MAGI1: variants seen among roughly 807,000 people sequenced by gnomAD.
MAGI1 encodes membrane-associated guanylate kinase, WW and PDZ domain-containing protein 1.
A neutral mutation model predicts 139.9 loss-of-function variants in MAGI1; 58 were observed. The observed-to-expected ratio is 0.41, with a 90% CI of 0.34 to 0.52. MAGI1 has a LOEUF of 0.52. MAGI1 is among the 20% of genes least tolerant of loss of function. The pLI, the probability that MAGI1 is intolerant of heterozygous loss-of-function variation, is 0.12. For missense variants in MAGI1, 1,874 were observed against 1,901.6 expected (o/e 0.99, Z 0.27); for synonymous variants, 812 against 737.9 (o/e 1.10, Z -1.63).
intron 4 of MAGI1, among the ~76,000 whole-genome samples, chr3:65,475,755 G>A (rs993775780): frequency 9.9e-5 from 15 of 151,884 alleles, no homozygotes; most frequent in Admixed American, 1.3e-4. Context: ...TTCAGCTTCT[G>A]CCTTAATCAA....
intron 1 of MAGI1, among the ~76,000 whole-genome samples, chr3:65,745,613 A>C (rs2035635632): frequency 6.6e-6 from 1 of 152,246 alleles, no homozygotes; most frequent in African/African-American, 2.4e-5. Context: ...CACATAACAC[A>C]CATTAAAATT....
chr3:65,500,103 T>C (rs113106468), intron 2 of MAGI1, among the ~76,000 whole-genome samples: 2 of 152,220 alleles, frequency 1.3e-5, no homozygotes, highest in East Asian at 1.9e-4. Context: ...TCCCATCTCA[T>C]AGAAAGCCAG....
At chr3:65,574,428 A>G (rs2081090754) in intron 2 of MAGI1, among the ~76,000 whole-genome samples, 1 of 149,902 alleles carries the variant, frequency 6.7e-6, no homozygotes, top group Non-Finnish European at 1.5e-5. Context: ...GGAGATGTAA[A>G]TGACCTGCAT....
chr3:65,882,719 G>C (rs1330710822), intron 1 of MAGI1, among the ~76,000 whole-genome samples: 2 of 152,120 alleles, frequency 1.3e-5, no homozygotes, highest in African/African-American at 4.8e-5. Context: ...GATGGCTTGA[G>C]CTCAGGTGAT....
chr3:65,670,138 T>C (rs2086765504), intron 1 of MAGI1, among the ~76,000 whole-genome samples: 2 of 152,168 alleles, frequency 1.3e-5, no homozygotes, highest in South Asian at 4.1e-4. Context: ...TTCAAACTGA[T>C]GTCTCATCAT....
At chr3:65,450,121 T>C (rs1948938572) in intron 6 of MAGI1, among the ~76,000 whole-genome samples, 1 of 152,110 alleles carries the variant, frequency 6.6e-6, no homozygotes, top group South Asian at 2.1e-4. Context: ...AGGAACTCAA[T>C]GAGGACTAGT....
chr3:65,958,771 G>C (rs1233627915), intron 1 of MAGI1, among the ~76,000 whole-genome samples: 1 of 152,168 alleles, frequency 6.6e-6, no homozygotes, highest in African/African-American at 2.4e-5. Flanking sequence ...AGGATCACTT[G>C]AGGCCAAGAG....
chr3:65,698,181 C>G (rs1373128766), intron 1 of MAGI1, among the ~76,000 whole-genome samples: 6 of 118,300 alleles, frequency 5.1e-5, no homozygotes, highest in Non-Finnish European at 7.1e-5. Flanking sequence ...ATGTGAAGGA[C>G]CTCTTCAAGG....
At chr3:66,032,537 G>A (rs978605246) in intron 1 of MAGI1, among the ~76,000 whole-genome samples, 1 of 151,152 alleles carries the variant, frequency 6.6e-6, no homozygotes, top group Non-Finnish European at 1.5e-5. Context: ...GTCTTTTTTA[G>A]ACACTGAGAA....
intron 1 of MAGI1, among the ~76,000 whole-genome samples, chr3:66,002,482 T>A (rs1202159524): frequency 2.0e-5 from 3 of 152,096 alleles, no homozygotes; most frequent in African/African-American, 7.2e-5. Flanking sequence ...TGATGCTGCT[T>A]AAAACTCACC....
chr3:65,504,523 G>A (rs1003492095), intron 2 of MAGI1, among the ~76,000 whole-genome samples: 1 of 152,130 alleles, frequency 6.6e-6, no homozygotes, highest in African/African-American at 2.4e-5. Flanking sequence ...GTTACTAGGT[G>A]GGAACTTCTG....
At chr3:65,684,568 G>T (rs1055062081) in intron 1 of MAGI1, among the ~76,000 whole-genome samples, 1 of 152,162 alleles carries the variant, frequency 6.6e-6, no homozygotes, top group East Asian at 1.9e-4. Flanking sequence ...TATTAGCACT[G>T]TTCAATATCT....
At chr3:65,975,860 A>C (rs1251553073) in intron 1 of MAGI1, among the ~76,000 whole-genome samples, 3 of 152,114 alleles carry the variant, frequency 2.0e-5, no homozygotes, top group Non-Finnish European at 4.4e-5. Context: ...TCCTTATGTA[A>C]GATGCTTCTG....
rs1218705797 is a variant in MAGI1 at position 65,955,734 on chromosome 3, C to G, written c.313+82262G>C. On this transcript the variant is annotated intron_variant, in intron 1 of 22. Transcript: ENST00000402939. ...TTTCATTTCCAGAACTGCTATGGTT[C>G]TGGCTGAAGTATCAGAATGACAACC... 5.3e-5 allele frequency among the ~76,000 whole-genome samples: 8 copies of G among 151,906 alleles called. No homozygotes were observed. In the East Asian group the frequency reaches 1.5e-3, roughly 29 times the overall value.
intron 1 of MAGI1, among the ~76,000 whole-genome samples, chr3:65,811,927 CGTGTGTGTGT>C (rs71102883): frequency 8.4e-4 from 124 of 148,442 alleles, no homozygotes; most frequent in Admixed American, 2.3e-3. Flanking sequence ...TGTATGTTTA[CGTGTGTGTGT>C]GTGTGTGTGT....
chr3:65,401,588 A>G, intron 12 of MAGI1, 118 bp from the exon 13 acceptor site: 1 of 1,552,932 alleles, frequency 6.4e-7, no homozygotes, highest in South Asian at 1.2e-5. Flanking sequence ...CTGCAGAGTT[A>G]TGTCAGATTT....
chr3:65,900,204 G>A (rs985959970), intron 1 of MAGI1, among the ~76,000 whole-genome samples: 2 of 152,068 alleles, frequency 1.3e-5, no homozygotes, highest in Non-Finnish European at 1.5e-5. Context: ...ACGCAACATC[G>A]TGTCTTTCCT....
chr3:65,868,441 TTGACTC>T (rs1239788667), intron 1 of MAGI1, among the ~76,000 whole-genome samples: 1 of 152,156 alleles, frequency 6.6e-6, no homozygotes, highest in Non-Finnish European at 1.5e-5. Context: ...AAAATGCTGT[TTGACTC>T]TGAACAGAGG....
intron 1 of MAGI1, among the ~76,000 whole-genome samples, chr3:65,836,362 T>C (rs1488601951): frequency 2.0e-5 from 3 of 152,232 alleles, no homozygotes; most frequent in East Asian, 1.9e-4. Context: ...ATAATGTTCA[T>C]TCACCTTTCT....
Sources: gnomAD v4.1 joint callset for allele counts (sites outside exome capture counted in the v4.1 genomes callset) on GRCh38, gnomAD v4.1.1 for gene constraint, MANE v1.5 for transcripts, NCBI Gene and HGNC (gene_info 2026-07-23, HGNC 2026-07-21) for gene names.